Variants in UGT1A8 observed in about 807,000 individuals in gnomAD.
UGT1A8 encodes UDP glucuronosyltransferase family 1 member A8, also known as UDP-glucuronosyltransferase 1A8.
A neutral mutation model predicts 45.3 loss-of-function variants in UGT1A8; 39 were observed. That is an observed-to-expected ratio of 0.86 (90% confidence interval 0.67 to 1.12). The LOEUF is 1.12. Ranked by LOEUF, UGT1A8 falls within the 50% of genes most tolerant of loss-of-function variation. The probability of loss-of-function intolerance (pLI) is 0.00; values close to 1 mark genes in which losing one functional copy is unlikely to be tolerated. For synonymous variants in UGT1A8, 275 were observed against 249.2 expected (o/e 1.10, Z -0.97); for missense variants, 719 against 664.9 (o/e 1.08, Z -0.90).
At chr2:233,738,611 A>C (rs1411128815) in intron 1 of UGT1A8, among the ~76,000 whole-genome samples, 2 of 152,250 alleles carry the variant, frequency 1.3e-5, no homozygotes, top group Admixed American at 6.5e-5. Flanking sequence ...TTAGCAAAGA[A>C]ACTCGTGGCA....
chr2:233,620,794 G>A (rs12991744), intron 1 of UGT1A8, among the ~76,000 whole-genome samples: 1 of 152,170 alleles, frequency 6.6e-6, no homozygotes, highest in African/African-American at 2.4e-5. Context: ...AACTGTCATC[G>A]AAAGAAGGAT....
rs529127963 is a variant in UGT1A8 at position 233,735,165 on chromosome 2, C to T, written c.856-31869C>T. 6.6e-5 allele frequency among the ~76,000 whole-genome samples: 10 copies of T among 152,220 alleles called. No homozygotes were observed. In the East Asian group the frequency reaches 9.6e-4, roughly 15 times the overall value. The stretch of plus-strand genomic sequence containing the variant: ...TGGGAGTCTAAGTCTCTGTGTAGGT[C>T]TCTAAGAACTTGCTTTATGAATCTA... On this transcript the variant is annotated intron_variant, in intron 1 of 4. Transcript: ENST00000373450.
intron 1 of UGT1A8, chr2:233,729,232 A>G: frequency 6.2e-7 from 1 of 1,614,202 alleles, no homozygotes. Flanking sequence ...GGTGGTGCCC[A>G]TTGATGGCAG....
chr2:233,748,753 G>A (rs1217763001), intron 1 of UGT1A8, among the ~76,000 whole-genome samples: 1 of 151,562 alleles, frequency 6.6e-6, no homozygotes, highest in African/African-American at 2.4e-5. Flanking sequence ...GGAAGGCATA[G>A]TTTTGGTTGC....
rs1208315583 is a variant in UGT1A8, at chr2:233,737,341, G to A, written c.856-29693G>A. 7.9e-5 allele frequency among the ~76,000 whole-genome samples: 12 copies of A among 152,224 alleles called. No homozygotes were observed. In the East Asian group the frequency reaches 2.1e-3, roughly 27 times the overall value. On this transcript the variant is annotated intron_variant, in intron 1 of 4. Coordinates refer to ENST00000373450, the MANE Select transcript of UGT1A8 (RefSeq NM_019076.5). ...CTGCACTAGCAGTGAGCAAGGCTCCGTGGGCATGGGAGCTGCTAAGCCAGG... is the reference window on the plus strand; with the variant it reads ...CTGCACTAGCAGTGAGCAAGGCTCCATGGGCATGGGAGCTGCTAAGCCAGG...
chr2:233,706,268 A>T (rs1234933778), intron 1 of UGT1A8, among the ~76,000 whole-genome samples: 1 of 152,148 alleles, frequency 6.6e-6, no homozygotes, highest in Non-Finnish European at 1.5e-5. Flanking sequence ...TGGATTGCCC[A>T]ACCTCAGGGG....
chr2:233,759,589 C>T (rs1019080455), intron 1 of UGT1A8, among the ~76,000 whole-genome samples: 2 of 147,434 alleles, frequency 1.4e-5, no homozygotes, highest in Non-Finnish European at 3.0e-5. Flanking sequence ...CAGCACGCCC[C>T]CCACCCCCGA....
Position 233,772,306 on chromosome 2 carries a change from G to T in UGT1A8, c.1340G>T (p.Arg447Leu), listed in dbSNP as rs200370335. 9.9e-6 allele frequency: 16 copies of T among 1,614,092 alleles called. No individual in the cohort carries two copies. Among genetic ancestry groups the T allele is most frequent in the South Asian group, 2.2e-5 (2 of 91,084 alleles). ...CGCCTCTCCAGCCTTCACAAGGACC[G>T]CCCGGTGGAGCCGCTGGACCTGGCC... ...IMRLSSLHKD[R>L]PVEPLDLAVF... The change falls in exon 5 of 5, where the codon CGC (arginine) becomes CTC (leucine). Residue 447 changes from arginine (R) to leucine (L), a missense_variant. By Grantham distance (102) the Arg-to-Leu change is moderately radical. Coordinates refer to ENST00000373450, the MANE Select transcript of UGT1A8 (RefSeq NM_019076.5).
chr2:233,765,641 G>GGTCA (rs1313587077), intron 1 of UGT1A8, among the ~76,000 whole-genome samples: 3 of 151,492 alleles, frequency 2.0e-5, no homozygotes, highest in Non-Finnish European at 2.9e-5. Flanking sequence ...TTAGAGGATA[G>GGTCA]GTCAATAGGT....
chr2:233,724,642 G>A (rs896870557), intron 1 of UGT1A8, among the ~76,000 whole-genome samples: 3 of 142,058 alleles, frequency 2.1e-5, no homozygotes, highest in African/African-American at 8.0e-5. Flanking sequence ...AGATGTGATG[G>A]CGGCTGGGAA....
At chr2:233,677,250 A>G (rs1559336890) in intron 1 of UGT1A8, among the ~76,000 whole-genome samples, 1 of 152,150 alleles carries the variant, frequency 6.6e-6, no homozygotes, top group Non-Finnish European at 1.5e-5. Flanking sequence ...CCTTTGTCAG[A>G]TATATCCCTA....
chr2:233,739,477 G>C (rs569787669), intron 1 of UGT1A8, among the ~76,000 whole-genome samples: 1 of 152,350 alleles, frequency 6.6e-6, no homozygotes, highest in East Asian at 1.9e-4. Context: ...GACCGTGGGA[G>C]CCCATTTCTG....
At chr2:233,700,864 C>A (rs1043981415) in intron 1 of UGT1A8, among the ~76,000 whole-genome samples, 1 of 151,810 alleles carries the variant, frequency 6.6e-6, no homozygotes, top group Non-Finnish European at 1.5e-5. Flanking sequence ...TAATGCTATC[C>A]CTCCCTCCTC....
intron 1 of UGT1A8, among the ~76,000 whole-genome samples, chr2:233,642,876 C>G (rs2073489647): frequency 6.6e-6 from 1 of 152,116 alleles, no homozygotes; most frequent in Non-Finnish European, 1.5e-5. Flanking sequence ...CAGAGTCTCT[C>G]TCTCTCTCTC....
intron 1 of UGT1A8, among the ~76,000 whole-genome samples, chr2:233,686,693 C>T (rs2074799956): frequency 1.3e-5 from 2 of 152,118 alleles, no homozygotes; most frequent in South Asian, 2.1e-4. Flanking sequence ...TGGTGGTGCC[C>T]TCTGGCCTGC....
chr2:233,634,167 T>G (rs942005798), intron 1 of UGT1A8, among the ~76,000 whole-genome samples: 10 of 152,258 alleles, frequency 6.6e-5, no homozygotes, highest in African/African-American at 2.4e-4. Context: ...CACTGTGATC[T>G]AAGAGACTGT....
intron 1 of UGT1A8, chr2:233,637,153 A>T: frequency 6.2e-7 from 1 of 1,614,000 alleles, no homozygotes. Context: ...ATGGAACCAC[A>T]TCGTGCACTT....
rs182081835 is a variant in UGT1A8 at position 233,702,413 on chromosome 2, T to G, written c.856-64621T>G. 3.3e-3 allele frequency among the ~76,000 whole-genome samples: 497 copies of G among 152,322 alleles called. 1 individual carries two copies. Among genetic ancestry groups the G allele is most frequent in the South Asian group, 4.6e-3 (22 of 4,828 alleles). On this transcript the variant is annotated intron_variant, in intron 1 of 4. Coordinates refer to ENST00000373450, the MANE Select transcript of UGT1A8 (RefSeq NM_019076.5). ...AGATCATGTTATCTACAAATAGAGA[T>G]AGCGTTACTTCTTCCTTTCTAATAA... is the stretch of plus-strand genomic sequence containing the variant.
chr2:233,680,557 G>A (rs2074490857), intron 1 of UGT1A8, among the ~76,000 whole-genome samples: 1 of 152,146 alleles, frequency 6.6e-6, no homozygotes. Flanking sequence ...ATGCTCCTCA[G>A]TGTGTTGCCT....
Sources: allele counts gnomAD v4.1 joint callset (sites outside exome capture counted in the v4.1 genomes callset), GRCh38; gene constraint gnomAD v4.1.1; transcripts MANE v1.5; gene names NCBI Gene and HGNC (gene_info 2026-07-23, HGNC 2026-07-21).